WDFY1: variants seen among roughly 807,000 people sequenced by gnomAD.
The protein encoded by WDFY1 is WD repeat and FYVE domain containing 1.
In WDFY1, 32 loss-of-function variants were observed where a neutral mutation model predicts 56.4. That is an observed-to-expected ratio of 0.57 (90% CI 0.43 to 0.76). WDFY1 has a LOEUF of 0.76. Among genes scored for constraint, WDFY1 ranks in the 30% least tolerant of loss-of-function variants. The probability of loss-of-function intolerance (pLI) is 0.00; values close to 1 mark genes in which losing one functional copy is unlikely to be tolerated. For synonymous variants in WDFY1, 192 were observed against 197.3 expected, an observed-to-expected ratio of 0.97 and a Z score of 0.23; for missense variants, 480 against 545.7, an observed-to-expected ratio of 0.88 and a Z score of 1.20.
intron 1 of WDFY1, among the ~76,000 whole-genome samples, chr2:223,941,686 A>C (rs1212758556): frequency 1.3e-5 from 2 of 151,598 alleles, no homozygotes; most frequent in Non-Finnish European, 2.9e-5. Flanking sequence ...TGGGCCCCAC[A>C]CACGTGCTGG....
chr2:223,931,282 A>G (rs535649820), intron 1 of WDFY1, among the ~76,000 whole-genome samples: 10 of 152,354 alleles, frequency 6.6e-5, no homozygotes, highest in African/African-American at 2.4e-4. Flanking sequence ...TTACTCTTAA[A>G]TATCATATAG....
chr2:223,894,450 C>T (rs1693327699), intron 7 of WDFY1, 111 bp from the exon 8 acceptor site: 6 of 999,688 alleles, frequency 6.0e-6, no homozygotes, highest in Non-Finnish European at 9.3e-6. Context: ...TGGTATTTTA[C>T]CACTGACTAT....
At chr2:223,904,848 C>T (rs973115350) in intron 4 of WDFY1, among the ~76,000 whole-genome samples, 4 of 152,116 alleles carry the variant, frequency 2.6e-5, no homozygotes, top group Non-Finnish European at 5.9e-5. Flanking sequence ...AGTTTTGCAA[C>T]TTCAATCTGA....
chr2:223,920,057 C>A (rs1693863468), intron 1 of WDFY1, among the ~76,000 whole-genome samples: 1 of 152,152 alleles, frequency 6.6e-6, no homozygotes, highest in Admixed American at 6.5e-5. Context: ...ACCTGAGTCC[C>A]CACGTCCTCA....
chr2:223,940,256 T>A (rs1047415851), intron 1 of WDFY1, among the ~76,000 whole-genome samples: 1 of 152,102 alleles, frequency 6.6e-6, no homozygotes, highest in Non-Finnish European at 1.5e-5. Flanking sequence ...GAGGCAGAGG[T>A]TGCAGTGAGC....
At chr2:223,880,863 T>C (rs906968457) in intron 10 of WDFY1, among the ~76,000 whole-genome samples, 2 of 152,102 alleles carry the variant, frequency 1.3e-5, no homozygotes, top group Admixed American at 1.3e-4. Context: ...TCATACAGCA[T>C]GGGCAAAACA....
At chr2:223,930,142 A>T (rs1694049885) in intron 1 of WDFY1, among the ~76,000 whole-genome samples, 1 of 152,184 alleles carries the variant, frequency 6.6e-6, no homozygotes, top group Non-Finnish European at 1.5e-5. Flanking sequence ...ATTCCAACAA[A>T]GTCTCTCACT....
In WDFY1 at chr2:223,894,243, G is replaced by A. The variant is rs200201409; in HGVS notation, c.822C>T (p.Ser274=). 3.7e-6 allele frequency: 6 copies of A among 1,614,114 alleles called. No homozygotes were observed. Among genetic ancestry groups the A allele is most frequent in the Non-Finnish European group, 4.2e-6 (5 of 1,179,972 alleles). Residue 274 remains serine (S), a synonymous_variant, in exon 8 of 12, where the codon AGC becomes AGT. Transcript: ENST00000233055. ...TGCCCTTGTCTCTTACCTCTTCTCT[G>A]CTAACATCCATGTTCCACACTGCAA... ...GGIAVWNMDV[S]REEAPQWLES...
At chr2:223,922,961 C>T (rs1693911144) in intron 1 of WDFY1, among the ~76,000 whole-genome samples, 1 of 152,166 alleles carries the variant, frequency 6.6e-6, no homozygotes, top group South Asian at 2.1e-4. Flanking sequence ...ACAAATTGGA[C>T]CTATGCTGGG....
chr2:223,889,070 T>C (rs1417331655), intron 8 of WDFY1, among the ~76,000 whole-genome samples: 1 of 151,762 alleles, frequency 6.6e-6, no homozygotes, highest in Non-Finnish European at 1.5e-5. Context: ...TGCCTGGCTA[T>C]TTTTTGTATT....
At chr2:223,930,585 C>T (rs1694057706) in intron 1 of WDFY1, among the ~76,000 whole-genome samples, 1 of 152,210 alleles carries the variant, frequency 6.6e-6, no homozygotes, top group Non-Finnish European at 1.5e-5. Context: ...CCCTCCTTGG[C>T]CTCCCAGGCA....
intron 3 of WDFY1, among the ~76,000 whole-genome samples, chr2:223,907,794 G>A (rs58305956): frequency 0.012 from 1,781 of 152,178 alleles, 28 homozygotes; most frequent in African/African-American, 0.041. Context: ...CATGGGCAGG[G>A]AGCCTGTCCC....
At chr2:223,906,260 C>A (rs923098045) in intron 3 of WDFY1, among the ~76,000 whole-genome samples, 17 of 152,128 alleles carry the variant, frequency 1.1e-4, no homozygotes, top group African/African-American at 3.6e-4. Context: ...TTCTTCCTGC[C>A]CAGATCAGCA....
At chr2:223,878,864 C>T in intron 11 of WDFY1, 134 bp from the exon 12 acceptor site, 1 of 1,152,494 alleles carries the variant, frequency 8.7e-7, no homozygotes, top group Non-Finnish European at 1.2e-6. Context: ...TCTCCTCTTT[C>T]ATAACACCTC....
At chr2:223,886,823 A>T (rs954861065) in intron 8 of WDFY1, among the ~76,000 whole-genome samples, 2 of 151,418 alleles carry the variant, frequency 1.3e-5, no homozygotes, top group Non-Finnish European at 2.9e-5. Flanking sequence ...TCTAAAATAT[A>T]TATTAATATA....
rs71058955 is a variant in WDFY1 at position 223,888,901 on chromosome 2, CTT to C, written c.832-4154_832-4153del. Among the ~76,000 whole-genome samples, 234 of 61,410 alleles carry C rather than the reference CTT, an allele frequency of 3.8e-3. 2 individuals are homozygous for C. Among genetic ancestry groups the C allele is most frequent in the African/African-American group, 8.7e-3 (132 of 15,210 alleles). The allele number at this position is 61,410 out of a possible 152,430, so 40.3% of individuals were successfully genotyped here. ...CCGTGCCTGGCCTAAATTCTCAACT[CTT>C]TTTTTTTTTTTTTTTTTTGAGATGG... On this transcript the variant is annotated intron_variant, in intron 8 of 11. Coordinates refer to ENST00000233055, the MANE Select transcript of WDFY1 (RefSeq NM_020830.5).
rs142567820 is a variant in WDFY1, at chr2:223,920,855, G to A, written c.138-2845C>T. Among the ~76,000 whole-genome samples the A allele has an allele frequency of 2.0e-3, 299 of 152,290 alleles. 1 individual carries two copies. Among genetic ancestry groups the A allele is most frequent in the African/African-American group, 7.0e-3 (293 of 41,564 alleles). On this transcript the variant is annotated intron_variant, in intron 1 of 11. Coordinates refer to ENST00000233055, the MANE Select transcript of WDFY1 (RefSeq NM_020830.5). Reference sequence around the variant, plus strand: ...ACCGTACGGAAGACAAGGTACTCTCGACAGTGGCTATCCTCGCCTTCAGCT... The same window carrying A: ...ACCGTACGGAAGACAAGGTACTCTCAACAGTGGCTATCCTCGCCTTCAGCT...
At chr2:223,880,606 CAAAAA>C (rs10586635) in intron 10 of WDFY1, among the ~76,000 whole-genome samples, 5 of 125,408 alleles carry the variant, frequency 4.0e-5, no homozygotes, top group Non-Finnish European at 3.3e-5. Context: ...GACTCAGTCT[CAAAAA>C]AAAAAAAAAA....
At chr2:223,895,771 T>C in intron 6 of WDFY1, 141 bp from the exon 7 acceptor site, 2 of 1,137,524 alleles carry the variant, frequency 1.8e-6, no homozygotes, top group South Asian at 1.5e-5. Flanking sequence ...CTTCATGGTG[T>C]ACAACGGGTC....
Sources: allele counts gnomAD v4.1 joint callset (sites outside exome capture counted in the v4.1 genomes callset), GRCh38; gene constraint gnomAD v4.1.1; transcripts MANE v1.5; gene names NCBI Gene and HGNC (gene_info 2026-07-23, HGNC 2026-07-21).